Variants in CCDC171 observed in about 807,000 individuals in gnomAD.
CCDC171 encodes coiled-coil domain-containing protein 171.
In CCDC171, 177 loss-of-function variants were observed where a neutral mutation model predicts 168.2. The observed-to-expected ratio is 1.05, with a 90% CI of 0.93 to 1.19. The LOEUF is 1.19. Ranked by LOEUF, CCDC171 falls within the 50% of genes most tolerant of loss-of-function variation. The pLI is 0.00. For missense variants in CCDC171, 1,991 were observed against 1,539.0 expected (o/e 1.29, Z -4.91); for synonymous variants, 687 against 540.8 (o/e 1.27, Z -3.75).
rs190705172 is a variant in CCDC171, at chr9:15,655,625, G to A, written c.823-1502G>A. On this transcript the variant is annotated intron_variant, in intron 7 of 25. Transcript: ENST00000380701. ...TGTTAAGAGAAGGAGAAGACAGGAC[G>A]TAGACTGGGAGAAAACATTTGCAAA... Among the ~76,000 whole-genome samples the A allele has an allele frequency of 2.2e-4, 33 of 152,272 alleles. No homozygotes were observed. In the East Asian group the frequency reaches 5.8e-3, roughly 27 times the overall value.
chr9:15,889,694 G>T (rs1819933755), intron 24 of CCDC171, among the ~76,000 whole-genome samples: 1 of 152,156 alleles, frequency 6.6e-6, no homozygotes, highest in Non-Finnish European at 1.5e-5. Flanking sequence ...CCCACTTTAT[G>T]TACTGAAAGC....
intron 24 of CCDC171, among the ~76,000 whole-genome samples, chr9:15,896,843 A>G (rs1397514533): frequency 1.3e-5 from 2 of 152,106 alleles, no homozygotes; most frequent in Non-Finnish European, 1.5e-5. Flanking sequence ...TATGTACACA[A>G]ACCCTAATAC....
intron 23 of CCDC171, among the ~76,000 whole-genome samples, chr9:15,851,611 A>G (rs1252404275): frequency 6.6e-6 from 1 of 151,846 alleles, no homozygotes; most frequent in Non-Finnish European, 1.5e-5. Context: ...AAAACAACTC[A>G]CCAGTTTAAC....
At chr9:16,074,811 G>A in the CCDC171 span, among the ~76,000 whole-genome samples, 1 of 152,162 alleles carries the variant, frequency 6.6e-6, no homozygotes, top group South Asian at 2.1e-4. Flanking sequence ...AGAGGGTAAG[G>A]TATGAAAAAT....
At chr9:15,905,672 C>G (rs1268771807) in intron 24 of CCDC171, among the ~76,000 whole-genome samples, 4 of 152,080 alleles carry the variant, frequency 2.6e-5, no homozygotes, top group Non-Finnish European at 5.9e-5. Context: ...AAACTAAGAT[C>G]AGAGCAGAAG....
At chr9:15,828,855 T>C (rs1255501132) in intron 21 of CCDC171, among the ~76,000 whole-genome samples, 2 of 152,208 alleles carry the variant, frequency 1.3e-5, no homozygotes, top group Admixed American at 6.5e-5. Context: ...AAATAGCTTA[T>C]GTTGATGGAA....
chr9:16,104,438 C>T, the CCDC171 span, among the ~76,000 whole-genome samples: 1 of 152,170 alleles, frequency 6.6e-6, no homozygotes, highest in African/African-American at 2.4e-5. Flanking sequence ...CCCAGCCTTT[C>T]TCTTTGGCTG....
chr9:16,009,544 T>C (rs182759940), intron 3 of CCDC171, among the ~76,000 whole-genome samples: 32 of 152,348 alleles, frequency 2.1e-4, no homozygotes, highest in African/African-American at 7.7e-4. Flanking sequence ...ATCTTTAAGC[T>C]TTTTGATCAT....
intron 6 of CCDC171, among the ~76,000 whole-genome samples, chr9:15,595,079 A>C (rs568652041): frequency 6.6e-6 from 1 of 152,190 alleles, no homozygotes; most frequent in Non-Finnish European, 1.5e-5. Context: ...TTTTGGAGTA[A>C]TTATGTCTCA....
intron 6 of CCDC171, among the ~76,000 whole-genome samples, chr9:15,597,007 C>G (rs1352201543): frequency 6.6e-6 from 1 of 152,090 alleles, no homozygotes; most frequent in Non-Finnish European, 1.5e-5. Flanking sequence ...TATCCTGAGA[C>G]TTTGCTGAAG....
chr9:16,097,277 C>T, the CCDC171 span, among the ~76,000 whole-genome samples: 1 of 152,212 alleles, frequency 6.6e-6, no homozygotes, highest in African/African-American at 2.4e-5. Flanking sequence ...TCAGTAACCT[C>T]TGAGTGCCTC....
intron 11 of CCDC171, 29 bp downstream of exon 11, chr9:15,695,366 C>G (rs1403281853): frequency 2.0e-6 from 3 of 1,529,622 alleles, no homozygotes; most frequent in South Asian, 1.1e-5. Flanking sequence ...ATGACAGATG[C>G]ATCTGTCAAT....
chr9:15,898,538 T>C (rs1327657589), intron 24 of CCDC171, among the ~76,000 whole-genome samples: 1 of 152,214 alleles, frequency 6.6e-6, no homozygotes, highest in Non-Finnish European at 1.5e-5. Context: ...CTGGTTGGTC[T>C]AGTCCATGCC....
chr9:16,030,677 G>A (rs1833351725), intron 6 of CCDC171, among the ~76,000 whole-genome samples: 1 of 152,194 alleles, frequency 6.6e-6, no homozygotes, highest in Non-Finnish European at 1.5e-5. Context: ...AGAGGTGACA[G>A]AGGCTCTGGG....
intron 4 of CCDC171, among the ~76,000 whole-genome samples, chr9:15,588,961 C>T (rs888392874): frequency 6.6e-6 from 1 of 151,900 alleles, no homozygotes; most frequent in Non-Finnish European, 1.5e-5. Context: ...CCGCCTGCCT[C>T]GGCCTCCCAA....
At chr9:16,052,509 A>G (rs1439829935) in intron 1 of CCDC171, among the ~76,000 whole-genome samples, 1 of 152,182 alleles carries the variant, frequency 6.6e-6, no homozygotes, top group Non-Finnish European at 1.5e-5. Flanking sequence ...ACTGGAAATG[A>G]GGAAACTGAG....
intron 24 of CCDC171, among the ~76,000 whole-genome samples, chr9:15,900,017 G>A (rs1296039643): frequency 6.6e-6 from 1 of 151,972 alleles, no homozygotes; most frequent in Non-Finnish European, 1.5e-5. Context: ...GATCAATTTT[G>A]AGTTAGTTTT....
chr9:16,032,718 A>G (rs1303947378), intron 6 of CCDC171, among the ~76,000 whole-genome samples: 2 of 152,158 alleles, frequency 1.3e-5, no homozygotes, highest in African/African-American at 2.4e-5. Flanking sequence ...CCTGGGCTCG[A>G]GTGATCCTCC....
chr9:15,708,814 A>G (rs1444188604), intron 11 of CCDC171, among the ~76,000 whole-genome samples: 2 of 152,200 alleles, frequency 1.3e-5, no homozygotes, highest in African/African-American at 2.4e-5. Flanking sequence ...GCTGAAAAAT[A>G]TAATAGGAAC....
Sources: gnomAD v4.1 joint callset for allele counts (sites outside exome capture counted in the v4.1 genomes callset) on GRCh38, gnomAD v4.1.1 for gene constraint, MANE v1.5 for transcripts, NCBI Gene and HGNC (gene_info 2026-07-23, HGNC 2026-07-21) for gene names.